Variants in RNFT2 observed in about 807,000 individuals in gnomAD.
RNFT2 encodes E3 ubiquitin-protein ligase RNFT2.
A neutral mutation model predicts 53.0 loss-of-function variants in RNFT2; 36 were observed. That is an observed-to-expected ratio of 0.68 (90% CI 0.52 to 0.90). The LOEUF (loss-of-function observed/expected upper bound fraction) is 0.90. Ranked by LOEUF, RNFT2 falls within the 40% of genes least tolerant of loss-of-function variation. The pLI is 0.00. For missense variants in RNFT2, 514 were observed against 585.6 expected, an observed-to-expected ratio of 0.88 and a Z score of 1.26; for synonymous variants, 260 against 253.2, an observed-to-expected ratio of 1.03 and a Z score of -0.26.
chr12:116,812,443 C>T (rs1875427688), intron 7 of RNFT2, among the ~76,000 whole-genome samples: 1 of 152,136 alleles, frequency 6.6e-6, no homozygotes, highest in Non-Finnish European at 1.5e-5. Context: ...CGTGGCATTA[C>T]TGAAAGCAGA....
At chr12:116,785,172 C>T in intron 7 of RNFT2, among the ~76,000 whole-genome samples, 1 of 151,614 alleles carries the variant, frequency 6.6e-6, no homozygotes, top group East Asian at 1.9e-4. Flanking sequence ...CTAATGGATC[C>T]TTGAGGCGTC....
At chr12:116,802,784 A>G (rs1874861359) in intron 7 of RNFT2, among the ~76,000 whole-genome samples, 1 of 152,152 alleles carries the variant, frequency 6.6e-6, no homozygotes, top group South Asian at 2.1e-4. Context: ...AATTTCCTAC[A>G]GGAGCTACAA....
chr12:116,852,526 A>C lies in RNFT2; in HGVS notation c.*3078A>C. 6.4e-7 allele frequency: 1 copy of C among 1,558,062 alleles called. No individual in the cohort carries two copies. Reference sequence around the variant, plus strand: ...CCTGAATAATCAAGTGGGAAGGGGAAGCAGAGGGAAATGGGGCCATGTGAA... The same window carrying C: ...CCTGAATAATCAAGTGGGAAGGGGACGCAGAGGGAAATGGGGCCATGTGAA... On this transcript the variant is annotated 3_prime_UTR_variant, in exon 11 of 11. Transcript: ENST00000257575.
At chr12:116,742,827 A>G (rs568178700) in intron 3 of RNFT2, among the ~76,000 whole-genome samples, 41 of 152,248 alleles carry the variant, frequency 2.7e-4, no homozygotes, top group Admixed American at 7.8e-4. Context: ...GCATACCTAT[A>G]GTCTCAGCAC....
chr12:116,828,023 G>A (rs1269065071), intron 7 of RNFT2, among the ~76,000 whole-genome samples: 4 of 152,172 alleles, frequency 2.6e-5, no homozygotes, highest in Non-Finnish European at 4.4e-5. Context: ...ATGCCAGCAG[G>A]CAGGGGCTCC....
At chr12:116,833,555 A>G (rs1449201803) in intron 7 of RNFT2, among the ~76,000 whole-genome samples, 3 of 152,058 alleles carry the variant, frequency 2.0e-5, no homozygotes, top group African/African-American at 7.2e-5. Flanking sequence ...TCGATCCTCA[A>G]TCCTGGGCAC....
intron 7 of RNFT2, among the ~76,000 whole-genome samples, chr12:116,785,111 C>T (rs1397611343): frequency 1.3e-5 from 2 of 152,122 alleles, no homozygotes; most frequent in Non-Finnish European, 2.9e-5. Context: ...CTCCTCCCTC[C>T]TGTCTCGGCC....
At chr12:116,758,599 A>G (rs1872586705) in intron 5 of RNFT2, among the ~76,000 whole-genome samples, 2 of 152,128 alleles carry the variant, frequency 1.3e-5, no homozygotes, top group Non-Finnish European at 2.9e-5. Context: ...AAAATACTGT[A>G]TCTTTCCTTC....
intron 7 of RNFT2, among the ~76,000 whole-genome samples, chr12:116,800,412 C>T (rs1232781420): frequency 1.3e-5 from 2 of 151,700 alleles, no homozygotes; most frequent in East Asian, 1.9e-4. Flanking sequence ...GCGGGCAGAT[C>T]ACCTGAGGTC....
intron 7 of RNFT2, among the ~76,000 whole-genome samples, chr12:116,833,216 G>A (rs575570555): frequency 6.6e-6 from 1 of 152,264 alleles, no homozygotes; most frequent in African/African-American, 2.4e-5. Flanking sequence ...ACCACACCCG[G>A]CCCCTGTTCT....
intron 3 of RNFT2, among the ~76,000 whole-genome samples, chr12:116,747,336 G>A (rs931567796): frequency 3.9e-5 from 6 of 152,186 alleles, no homozygotes; most frequent in Non-Finnish European, 7.3e-5. Context: ...GATTATAGGC[G>A]TGAGCCACCA....
chr12:116,762,383 G>A (rs1430294361), intron 5 of RNFT2, among the ~76,000 whole-genome samples: 1 of 138,886 alleles, frequency 7.2e-6, no homozygotes, highest in East Asian at 2.1e-4. Context: ...GGTTTGAGAT[G>A]GTTTCACTCC....
At chr12:116,804,918 G>A (rs1047590429) in intron 7 of RNFT2, among the ~76,000 whole-genome samples, 3 of 152,258 alleles carry the variant, frequency 2.0e-5, no homozygotes, top group South Asian at 2.1e-4. Context: ...AGTGATCCAC[G>A]ATTACACCAC....
intron 5 of RNFT2, among the ~76,000 whole-genome samples, chr12:116,759,332 T>C (rs1408624935): frequency 2.6e-5 from 4 of 152,226 alleles, no homozygotes; most frequent in African/African-American, 9.6e-5. Context: ...ATTAGCTTAA[T>C]AACTAACTTT....
intron 7 of RNFT2, among the ~76,000 whole-genome samples, chr12:116,780,363 A>G (rs748628665): frequency 6.6e-6 from 1 of 152,154 alleles, no homozygotes; most frequent in Non-Finnish European, 1.5e-5. Flanking sequence ...GGATTCTCAT[A>G]GGGAGCATAC....
At chr12:116,791,024 C>T (rs972733819) in intron 7 of RNFT2, among the ~76,000 whole-genome samples, 3 of 152,166 alleles carry the variant, frequency 2.0e-5, no homozygotes, top group Admixed American at 1.3e-4. Flanking sequence ...CATTCAGTGG[C>T]GTTTAGTACA....
chr12:116,811,672 G>A (rs988702570), intron 7 of RNFT2, among the ~76,000 whole-genome samples: 27 of 152,150 alleles, frequency 1.8e-4, no homozygotes, highest in South Asian at 2.1e-4. Flanking sequence ...CAACGCACCC[G>A]GCATGCGTGC....
intron 7 of RNFT2, among the ~76,000 whole-genome samples, chr12:116,784,313 C>T (rs1303394153): frequency 6.6e-6 from 1 of 152,220 alleles, no homozygotes; most frequent in Non-Finnish European, 1.5e-5. Context: ...GTCGTGTCCT[C>T]TTACAATTCC....
intron 7 of RNFT2, among the ~76,000 whole-genome samples, chr12:116,786,899 C>T (rs909240432): frequency 6.6e-6 from 1 of 152,158 alleles, no homozygotes; most frequent in African/African-American, 2.4e-5. Flanking sequence ...GGCTGTGTCA[C>T]TCCAGTCTCT....
Sources: gnomAD v4.1 joint callset for allele counts (sites outside exome capture counted in the v4.1 genomes callset) on GRCh38, gnomAD v4.1.1 for gene constraint, MANE v1.5 for transcripts, NCBI Gene and HGNC (gene_info 2026-07-23, HGNC 2026-07-21) for gene names.